Variants in ZCCHC14 observed in about 807,000 individuals in gnomAD.
The protein encoded by ZCCHC14 is zinc finger CCHC-type containing 14, also known as zinc finger CCHC domain-containing protein 14.
In ZCCHC14, 16 loss-of-function variants were observed where a neutral mutation model predicts 85.0. That is an observed-to-expected ratio of 0.19 (90% CI 0.13 to 0.29). The LOEUF (loss-of-function observed/expected upper bound fraction) is 0.29, where lower values mean the gene tolerates loss of function less well. Ranked by LOEUF, ZCCHC14 falls within the 10% of genes least tolerant of loss-of-function variation. ZCCHC14 has a pLI of 1.00. For synonymous variants in ZCCHC14, 775 were observed against 630.7 expected, an observed-to-expected ratio of 1.23 and a Z score of -3.43; for missense variants, 1,303 against 1,443.5, an observed-to-expected ratio of 0.90 and a Z score of 1.58.
intron 2 of ZCCHC14, among the ~76,000 whole-genome samples, chr16:87,433,905 A>G (rs988131072): frequency 4.7e-5 from 7 of 150,010 alleles, no homozygotes; most frequent in Non-Finnish European, 8.9e-5. Flanking sequence ...CAGCCTCCCA[A>G]CGTGCTGGAT....
chr16:87,461,022 CTG>C (rs1215698051), intron 1 of ZCCHC14, among the ~76,000 whole-genome samples: 2 of 152,232 alleles, frequency 1.3e-5, no homozygotes, highest in East Asian at 1.9e-4. Flanking sequence ...GCAGGAGTGT[CTG>C]TGACAGGGAA....
chr16:87,483,377 G>A (rs955172634), intron 1 of ZCCHC14, among the ~76,000 whole-genome samples: 2 of 143,516 alleles, frequency 1.4e-5, no homozygotes, highest in Admixed American at 7.1e-5. Context: ...TGTAATCCCA[G>A]CTACTTGGGT....
intron 2 of ZCCHC14, among the ~76,000 whole-genome samples, chr16:87,434,185 A>G (rs1183208492): frequency 2.0e-5 from 3 of 152,244 alleles, no homozygotes; most frequent in East Asian, 1.9e-4. Context: ...CTCATCAAAA[A>G]TAAGATGATA....
chr16:87,441,531 T>C (rs1910185034), intron 2 of ZCCHC14, among the ~76,000 whole-genome samples: 1 of 152,152 alleles, frequency 6.6e-6, no homozygotes. Context: ...ACAAAACTCC[T>C]CTCCAACATA....
At chr16:87,428,422 T>C (rs986806093) in intron 3 of ZCCHC14, among the ~76,000 whole-genome samples, 1 of 152,226 alleles carries the variant, frequency 6.6e-6, no homozygotes, top group Admixed American at 6.5e-5. Context: ...TGCTGGCTTA[T>C]TGCTCTGGTC....
At chr16:87,413,308 C>A (rs1908582859) in intron 10 of ZCCHC14, 113 bp from the exon 11 acceptor site, 1 of 1,396,486 alleles carries the variant, frequency 7.2e-7, no homozygotes, top group South Asian at 1.5e-5. Flanking sequence ...AAACGCAGGG[C>A]TCTGAGAGTC....
intron 2 of ZCCHC14, among the ~76,000 whole-genome samples, chr16:87,457,645 G>C: frequency 6.6e-6 from 1 of 152,304 alleles, no homozygotes; most frequent in Non-Finnish European, 1.5e-5. Flanking sequence ...CTGTATCACT[G>C]TAAGACTTCT....
At chr16:87,445,450 T>C (rs573335420) in intron 2 of ZCCHC14, among the ~76,000 whole-genome samples, 1 of 152,222 alleles carries the variant, frequency 6.6e-6, no homozygotes, top group Non-Finnish European at 1.5e-5. Context: ...TGCTTATTTT[T>C]TTCATTGGAG....
chr16:87,462,737 CAAAAAA>C (rs78208689), intron 1 of ZCCHC14, among the ~76,000 whole-genome samples: 326 of 143,480 alleles, frequency 2.3e-3, no homozygotes, highest in Middle Eastern at 7.3e-3. Flanking sequence ...CTCTATCTCA[CAAAAAA>C]AAAAAAAAGA....
chr16:87,465,890 T>C (rs964606935), intron 1 of ZCCHC14, among the ~76,000 whole-genome samples: 4 of 151,912 alleles, frequency 2.6e-5, no homozygotes, highest in Admixed American at 2.0e-4. Flanking sequence ...GATCTCAAAC[T>C]CCTGGGCTCA....
At position 87,493,020 on chromosome 16, in the gene ZCCHC14, G is replaced by A. The variant is rs1912856411; in HGVS notation, c.-782C>T. On this transcript the variant is annotated 5_prime_UTR_variant, in exon 1 of 13. Transcript: ENST00000671377. ...GGCTGACGGGCGGCCGGGATCAGCA[G>A]AAGTGGGCGGGGTGGCCGCCTCTCG... 6.6e-6 allele frequency among the ~76,000 whole-genome samples: 1 copy of A among 151,982 alleles called. No individual in the cohort carries two copies. Among genetic ancestry groups the A allele is most frequent in the Non-Finnish European group, 1.5e-5 (1 of 67,948 alleles).
Position 87,407,836 on chromosome 16 carries a change from G to A in ZCCHC14, c.*2444C>T, listed in dbSNP as rs1318618796. ...TGGTGGCTTTTGGAGAGATGCATCC[G>A]AGCTCGCTGCTGGCAAACTCTCAAG... On this transcript the variant is annotated 3_prime_UTR_variant, in exon 13 of 13. Transcript: ENST00000671377. 3 of 152,624 alleles carry A rather than the reference G, an allele frequency of 2.0e-5. No homozygotes were observed. The highest frequency in any genetic ancestry group is 4.4e-5 in the Non-Finnish European group (3 of 68,050). 9.5% of individuals were successfully genotyped at this position (152,624 alleles called of 1,614,324 possible).
chr16:87,442,202 G>A (rs972186577), intron 2 of ZCCHC14, among the ~76,000 whole-genome samples: 1 of 152,158 alleles, frequency 6.6e-6, no homozygotes, highest in Non-Finnish European at 1.5e-5. Context: ...GAGGCTGGAC[G>A]GCAAGCAATG....
At chr16:87,478,271 T>A (rs9940620) in intron 1 of ZCCHC14, among the ~76,000 whole-genome samples, 50,010 of 152,078 alleles carry the variant, frequency 0.33, 12,540 homozygotes, top group African/African-American at 0.69. Context: ...GCCACTAAAA[T>A]CACGCAACGA....
At chr16:87,476,754 T>C (rs1597450863) in intron 1 of ZCCHC14, among the ~76,000 whole-genome samples, 1 of 136,190 alleles carries the variant, frequency 7.3e-6, no homozygotes, top group South Asian at 2.5e-4. Context: ...TGGGAGAAGG[T>C]GGAAAATGGC....
At position 87,418,859 on chromosome 16, in the gene ZCCHC14, C is replaced by A; in HGVS notation, c.1088G>T (p.Gly363Val). Residue 363 changes from glycine to valine, a missense_variant, in exon 7 of 13, where the codon GGC becomes GTC. Gly to Val is a moderately radical substitution (Grantham distance 109). Coordinates refer to ENST00000671377, the MANE Select transcript of ZCCHC14 (RefSeq NM_015144.3). ...GAAGATTTCTCACCTTCCAGACACG[C>A]CCATCACGGTACCTACTTTAGAAAG... ...PSLSKVGTVM[G>V]VSGRPVCGVA... The A allele has an allele frequency of 6.2e-7, 1 of 1,613,436 alleles. No individual in the cohort carries two copies. Among genetic ancestry groups the A allele is most frequent in the Non-Finnish European group, 8.5e-7 (1 of 1,179,588 alleles).
intron 2 of ZCCHC14, among the ~76,000 whole-genome samples, chr16:87,454,252 A>G (rs553994173): frequency 6.6e-6 from 1 of 152,348 alleles, no homozygotes; most frequent in Non-Finnish European, 1.5e-5. Flanking sequence ...ATACTTCAAT[A>G]CTGGCTGAAA....
At chr16:87,430,326 C>T (rs927067458) in intron 3 of ZCCHC14, among the ~76,000 whole-genome samples, 3 of 152,108 alleles carry the variant, frequency 2.0e-5, no homozygotes, top group African/African-American at 4.8e-5. Flanking sequence ...CCTTCATACC[C>T]GGCCTGTGCG....
intron 2 of ZCCHC14, among the ~76,000 whole-genome samples, chr16:87,434,493 G>A (rs997541813): frequency 2.0e-5 from 3 of 152,240 alleles, no homozygotes; most frequent in African/African-American, 4.8e-5. Flanking sequence ...GGCCGCGTGC[G>A]ACGGGGATGT....
Sources: allele counts gnomAD v4.1 joint callset (sites outside exome capture counted in the v4.1 genomes callset), GRCh38; gene constraint gnomAD v4.1.1; transcripts MANE v1.5; gene names NCBI Gene and HGNC (gene_info 2026-07-23, HGNC 2026-07-21).